Variants in PYGL observed in about 807,000 individuals in gnomAD.
PYGL encodes glycogen phosphorylase L.
In PYGL, 90 loss-of-function variants were observed where a neutral mutation model predicts 100.1. The ratio of observed to expected loss-of-function variants is 0.90; its 90% CI spans 0.76 to 1.07. The LOEUF is 1.07. Ranked by LOEUF, PYGL falls within the 50% of genes least tolerant of loss-of-function variation. The probability of loss-of-function intolerance (pLI) is 0.00; values close to 1 mark genes in which losing one functional copy is unlikely to be tolerated. For missense variants in PYGL, 1,016 were observed against 1,057.6 expected (o/e 0.96, Z 0.55); for synonymous variants, 373 against 393.0 (o/e 0.95, Z 0.60).
At chr14:50,920,400 T>A (rs1465177968) in intron 7 of PYGL, 141 bp downstream of exon 7, 3 of 843,856 alleles carry the variant, frequency 3.6e-6, no homozygotes, top group Non-Finnish European at 5.8e-6. Context: ...AGGAGAAATC[T>A]ACACAATTCA....
At chr14:50,943,263 C>T (rs1026209116) in intron 1 of PYGL, among the ~76,000 whole-genome samples, 2 of 152,192 alleles carry the variant, frequency 1.3e-5, no homozygotes, top group Non-Finnish European at 2.9e-5. Context: ...CCAGCCTGCA[C>T]ACAATCCCTC....
chr14:50,914,833 A>G lies in PYGL; in HGVS notation c.1404-18T>C. The stretch of plus-strand genomic sequence containing the variant: ...CCTTGAATCTGGAGATGGAGGAGAC[A>G]CATCACTGAATTTGGCTGAAACGGC... On this transcript the variant is annotated intron_variant, in intron 11 of 19. Coordinates refer to ENST00000216392, the MANE Select transcript of PYGL (RefSeq NM_002863.5). The G allele has an allele frequency of 6.3e-7, 1 of 1,586,588 alleles. No homozygotes were observed. The highest frequency in any genetic ancestry group is 8.7e-7 in the Non-Finnish European group (1 of 1,155,394).
Position 50,910,628 on chromosome 14 carries a change from T to A in PYGL, c.1970-526A>T, listed in dbSNP as rs537748227. ...GCACCACCATGTCCAGCTAATTTTTTAAAATTTTTGTATGTATGGGGTCTC... is the reference window on the plus strand; with the variant it reads ...GCACCACCATGTCCAGCTAATTTTTAAAAATTTTTGTATGTATGGGGTCTC... On this transcript the variant is annotated intron_variant, in intron 16 of 19. Coordinates refer to ENST00000216392, the MANE Select transcript of PYGL (RefSeq NM_002863.5). Among the ~76,000 whole-genome samples, 103 of 152,166 alleles carry A rather than the reference T, an allele frequency of 6.8e-4. 4 individuals carry two copies. In the South Asian group the frequency reaches 0.021, roughly 31 times the overall value.
In PYGL at chr14:50,937,755, C is replaced by G. The variant is rs1385077729; in HGVS notation, c.326G>C (p.Cys109Ser). Residue 109 changes from cysteine (C) to serine (S), a missense_variant, in exon 2 of 20, where the codon TGT becomes TCT. Cys to Ser is a moderately radical substitution (Grantham distance 112). Coordinates refer to ENST00000216392, the MANE Select transcript of PYGL (RefSeq NM_002863.5). Reference protein sequence around the residue: ...TMINLGLQNACDEAIYQLGLD... With the variant: ...TMINLGLQNASDEAIYQLGLD... The stretch of plus-strand genomic sequence containing the variant: ...ATGTACCTGGTAAATGGCCTCATCA[C>G]AGGCATTTTGCAGACCGAGGTTGAT... 1.9e-6 allele frequency: 3 copies of G among 1,613,756 alleles called. No individual in the cohort carries two copies. The highest frequency in any genetic ancestry group is 1.6e-4 in the Middle Eastern group (1 of 6,062).
In PYGL at chr14:50,909,930, C is replaced by T. The variant is rs776011553; in HGVS notation, c.2142G>A (p.Met714Ile). 9.3e-6 allele frequency: 15 copies of T among 1,614,104 alleles called. No individual in the cohort carries two copies. Among genetic ancestry groups the T allele is most frequent in the Non-Finnish European group, 1.3e-5 (15 of 1,180,044 alleles). Residue 714 changes from methionine to isoleucine, a missense_variant, in exon 17 of 20, where the codon ATG becomes ATA. Met to Ile is a conservative substitution (Grantham distance 10, BLOSUM62 1). Coordinates refer to ENST00000216392, the MANE Select transcript of PYGL (RefSeq NM_002863.5). ...AGEENLFIFG[M>I]RIDDVAALDK... ...CCAAAGCAGCCACATCATCTATCCT[C>T]ATGCCAAAGATGAACAGGTTCTCTT...
Position 50,921,038 on chromosome 14 carries a change from G to T in PYGL, c.690C>A (p.Pro230=). 1 of 1,614,082 alleles carries T rather than the reference G, an allele frequency of 6.2e-7. No individual in the cohort carries two copies. Among genetic ancestry groups the T allele is most frequent in the South Asian group, 1.1e-5 (1 of 91,078 alleles). The part of the protein sequence containing the change: ...QVVLALPYDT[P]VPGYMNNTVN... ...CAGTGTTATTCATGTAGCCGGGCACGGGGGTGTCATATGGCAGAGCCAGGA... is the reference window on the plus strand; with the variant it reads ...CAGTGTTATTCATGTAGCCGGGCACTGGGGTGTCATATGGCAGAGCCAGGA... The change falls in exon 6 of 20, where the codon CCC becomes CCA. Residue 230 remains proline (P), a synonymous_variant. Coordinates refer to ENST00000216392, the MANE Select transcript of PYGL (RefSeq NM_002863.5).
At chr14:50,935,538 A>G (rs1479261595) in intron 2 of PYGL, among the ~76,000 whole-genome samples, 1 of 152,228 alleles carries the variant, frequency 6.6e-6, no homozygotes, top group Non-Finnish European at 1.5e-5. Flanking sequence ...ATTAAATGAG[A>G]TTATACAAAC....
rs776193572 is a variant in PYGL at position 50,931,789 on chromosome 14, G to A, written c.425-13C>T. ...TCCAAGAAGCAGGCTACATTCAACA[G>A]AGCACAGGCAAAAGATAGAGTCATT... On this transcript the variant is annotated splice_polypyrimidine_tract_variant and intron_variant, in intron 3 of 19. Coordinates refer to ENST00000216392, the MANE Select transcript of PYGL (RefSeq NM_002863.5). The A allele has an allele frequency of 1.9e-6, 3 of 1,609,248 alleles. No individual in the cohort carries two copies. In the Admixed American group the frequency reaches 5.0e-5, roughly 27 times the overall value.
intron 17 of PYGL, 121 bp from the exon 18 acceptor site, chr14:50,909,076 G>T: frequency 8.8e-7 from 1 of 1,140,858 alleles, no homozygotes. Context: ...AGCATTCAAA[G>T]ACTTCATTAT....
intron 3 of PYGL, among the ~76,000 whole-genome samples, chr14:50,932,396 C>T (rs2050609915): frequency 6.6e-6 from 1 of 152,182 alleles, no homozygotes. Context: ...ATTTCCTTCT[C>T]CGTGGGCATA....
chr14:50,924,825 G>C (rs139038879), intron 4 of PYGL, among the ~76,000 whole-genome samples: 1 of 151,958 alleles, frequency 6.6e-6, no homozygotes, highest in Admixed American at 6.6e-5. Flanking sequence ...TCTTATATAC[G>C]ATTTTAAACT....
chr14:50,924,331 T>G (rs1166907718), intron 4 of PYGL, among the ~76,000 whole-genome samples: 1 of 152,204 alleles, frequency 6.6e-6, no homozygotes. Flanking sequence ...TGAGGAATTG[T>G]AACTGCTCAA....
intron 7 of PYGL, 124 bp from the exon 8 acceptor site, chr14:50,917,229 G>C (rs1161637926): frequency 1.8e-6 from 2 of 1,090,024 alleles, no homozygotes; most frequent in Non-Finnish European, 2.8e-6. Context: ...AGGGGTGGTG[G>C]TTTGAATGCC....
At chr14:50,914,326 G>A (rs1342181095) in intron 12 of PYGL, among the ~76,000 whole-genome samples, 2 of 152,134 alleles carry the variant, frequency 1.3e-5, no homozygotes, top group African/African-American at 4.8e-5. Flanking sequence ...GTAAAACCCT[G>A]TCTCTACTAA....
chr14:50,929,992 G>A (rs531898883), intron 4 of PYGL, among the ~76,000 whole-genome samples: 3 of 152,294 alleles, frequency 2.0e-5, no homozygotes, highest in East Asian at 1.9e-4. Context: ...AAGCTTTGAT[G>A]TATTTTTTTC....
chr14:50,938,936 GA>G (rs1238486556), intron 1 of PYGL, among the ~76,000 whole-genome samples: 1 of 152,124 alleles, frequency 6.6e-6, no homozygotes, highest in African/African-American at 2.4e-5. Context: ...AGTCATCCAA[GA>G]AACACAAAGA....
At position 50,942,433 on chromosome 14, in the gene PYGL, T is replaced by A. The variant is rs1438211426; in HGVS notation, c.243+1728A>T. On this transcript the variant is annotated intron_variant, in intron 1 of 19. Transcript: ENST00000216392. The stretch of plus-strand genomic sequence containing the variant: ...GTGTGTGTTTCTAATATATGCTCAG[T>A]GTCCCACCCTTCCGCTTAAAATTGT... 1.4e-5 allele frequency among the ~76,000 whole-genome samples: 2 copies of A among 140,448 alleles called. 1 individual carries two copies. Among genetic ancestry groups the A allele is most frequent in the Non-Finnish European group, 3.1e-5 (2 of 63,746 alleles). 92.1% of individuals were successfully genotyped at this position (140,448 alleles called of 152,430 possible).
At chr14:50,921,174 C>A in intron 5 of PYGL, 107 bp from the exon 6 acceptor site, 2 of 880,096 alleles carry the variant, frequency 2.3e-6, no homozygotes, top group Admixed American at 2.0e-5. Context: ...GGCTCCATTA[C>A]CAACTTAAAT....
intron 19 of PYGL, chr14:50,908,008 C>T (rs528643812): frequency 4.3e-5 from 15 of 348,892 alleles, no homozygotes; most frequent in African/African-American, 2.6e-4. Flanking sequence ...AGTGACAGAG[C>T]GAGATCTGTC....
Sources: allele counts gnomAD v4.1 joint callset (sites outside exome capture counted in the v4.1 genomes callset), GRCh38; gene constraint gnomAD v4.1.1; transcripts MANE v1.5; gene names NCBI Gene and HGNC (gene_info 2026-07-23, HGNC 2026-07-21).